Variants in BLNK observed in about 807,000 individuals in gnomAD.
BLNK encodes the protein B cell linker.
In BLNK, 29 loss-of-function variants were observed where a neutral mutation model predicts 73.5. The ratio of observed to expected loss-of-function variants is 0.39; its 90% CI spans 0.29 to 0.54. The LOEUF (loss-of-function observed/expected upper bound fraction) is 0.54. BLNK is among the 20% of genes least tolerant of loss of function. BLNK has a pLI of 0.61. For missense variants in BLNK, 460 were observed against 562.8 expected (o/e 0.82, Z 1.85); for synonymous variants, 176 against 200.8 (o/e 0.88, Z 1.04).
intron 5 of BLNK, among the ~76,000 whole-genome samples, chr10:96,226,067 G>A (rs187088429): frequency 1.3e-5 from 2 of 152,204 alleles, no homozygotes; most frequent in East Asian, 1.9e-4. Flanking sequence ...GCACAGAGCC[G>A]AGTTGTGATG....
At chr10:96,221,882 C>T (rs2084204294) in intron 6 of BLNK, among the ~76,000 whole-genome samples, 1 of 152,058 alleles carries the variant, frequency 6.6e-6, no homozygotes, top group Non-Finnish European at 1.5e-5. Flanking sequence ...AGGGTGTGTA[C>T]ATGCACTGTA....
intron 9 of BLNK, among the ~76,000 whole-genome samples, chr10:96,209,285 C>T (rs1003330394): frequency 1.3e-4 from 20 of 152,194 alleles, no homozygotes; most frequent in Non-Finnish European, 2.4e-4. Context: ...GGTGCTGGAG[C>T]TTCTGAAAGT....
rs116192452 is a variant in BLNK at position 96,199,691 on chromosome 10, A to G, written c.1095+384T>C. Among the ~76,000 whole-genome samples the G allele has an allele frequency of 1.7e-3, 255 of 152,340 alleles. 1 individual carries two copies. The highest frequency in any genetic ancestry group is 5.5e-3 in the African/African-American group (228 of 41,570). On this transcript the variant is annotated intron_variant, in intron 15 of 16. Transcript: ENST00000224337. ...TATCATAAGGACGACAACTGTGTCT[A>G]TTACAGGCTGAGGGCAAAACGTGTG...
intron 4 of BLNK, among the ~76,000 whole-genome samples, chr10:96,230,339 T>G (rs1478894552): frequency 6.6e-6 from 1 of 152,130 alleles, no homozygotes; most frequent in Non-Finnish European, 1.5e-5. Context: ...TGACTGAAAC[T>G]TTCTAGACCT....
At chr10:96,268,590 C>T (rs1310278521) in intron 1 of BLNK, among the ~76,000 whole-genome samples, 2 of 152,204 alleles carry the variant, frequency 1.3e-5, no homozygotes, top group African/African-American at 2.4e-5. Flanking sequence ...TATTCTTATA[C>T]AGCAGAAACT....
chr10:96,225,282 G>T (rs73322931), intron 5 of BLNK, among the ~76,000 whole-genome samples: 2,120 of 152,328 alleles, frequency 0.014, 47 homozygotes, highest in African/African-American at 0.048. Context: ...ACTGGCCTCT[G>T]GATTGCATCA....
rs782456480 is a variant in BLNK, at chr10:96,209,852, C to T, written c.732G>A (p.Pro244=). The part of the protein sequence containing the change: ...TKSPPPAAPS[P]LPRAGKKPTT... ...CAGGTACTTACCCGGCCCGTGGCAA[C>T]GGGGATGGTGCAGCTGGTGGAGGTG... The change falls in exon 9 of 17, where the codon CCG becomes CCA. Residue 244 remains proline (P), a synonymous_variant. Coordinates refer to ENST00000224337, the MANE Select transcript of BLNK (RefSeq NM_013314.4). 1.1e-5 allele frequency: 18 copies of T among 1,614,062 alleles called. No homozygotes were observed. Among genetic ancestry groups the T allele is most frequent in the East Asian group, 2.2e-5 (1 of 44,888 alleles).
chr10:96,207,731 T>G (rs2083853940), intron 10 of BLNK, 141 bp downstream of exon 10: 1 of 999,494 alleles, frequency 1.0e-6, no homozygotes, highest in Non-Finnish European at 1.5e-6. Context: ...TTGAAGCTTC[T>G]CTTGGACTGC....
chr10:96,237,654 A>G (rs1189250063), intron 3 of BLNK, among the ~76,000 whole-genome samples: 4 of 152,170 alleles, frequency 2.6e-5, no homozygotes, highest in African/African-American at 9.7e-5. Context: ...AAGATACCGA[A>G]GGCTGTTCAA....
chr10:96,224,401 G>A (rs1244527457), intron 5 of BLNK, among the ~76,000 whole-genome samples: 1 of 152,214 alleles, frequency 6.6e-6, no homozygotes, highest in Non-Finnish European at 1.5e-5. Context: ...GAGGAGCCTG[G>A]CATTACAGGT....
chr10:96,214,271 T>G (rs1394046476), intron 8 of BLNK, among the ~76,000 whole-genome samples: 3 of 152,172 alleles, frequency 2.0e-5, no homozygotes, highest in Admixed American at 6.5e-5. Flanking sequence ...ATGGGGGTCA[T>G]GGGCACCCCT....
Position 96,231,073 on chromosome 10 carries a change from T to C in BLNK, c.164-239A>G, listed in dbSNP as rs587607952. Among the ~76,000 whole-genome samples the C allele has an allele frequency of 3.9e-5, 6 of 152,348 alleles. No individual in the cohort carries two copies. In the South Asian group the frequency reaches 1.0e-3, roughly 26 times the overall value. On this transcript the variant is annotated intron_variant, in intron 3 of 16. Coordinates refer to ENST00000224337, the MANE Select transcript of BLNK (RefSeq NM_013314.4). ...GGCAGAGCAATGTGCGTCTGATCCATGTGTGGGCTTTGTTAAGGGACATTT... is the reference window on the plus strand; with the variant it reads ...GGCAGAGCAATGTGCGTCTGATCCACGTGTGGGCTTTGTTAAGGGACATTT...
At chr10:96,218,674 G>T in intron 6 of BLNK, among the ~76,000 whole-genome samples, 1 of 110,080 alleles carries the variant, frequency 9.1e-6, no homozygotes. Context: ...ATGAGACCTT[G>T]TCTCCAAAAA....
intron 6 of BLNK, among the ~76,000 whole-genome samples, chr10:96,220,594 G>A (rs1200226173): frequency 2.0e-5 from 3 of 152,082 alleles, no homozygotes; most frequent in Non-Finnish European, 4.4e-5. Context: ...ACATAATGTG[G>A]TCTTATTGAC....
chr10:96,234,735 AAACACCAC>A (rs1842635354), intron 3 of BLNK, among the ~76,000 whole-genome samples: 2 of 152,188 alleles, frequency 1.3e-5, no homozygotes, highest in African/African-American at 2.4e-5. Context: ...TTAACACTCA[AAACACCAC>A]TGATTCTAAT....
chr10:96,239,374 G>A (rs1334386398), intron 3 of BLNK, among the ~76,000 whole-genome samples: 11 of 152,214 alleles, frequency 7.2e-5, no homozygotes, highest in Non-Finnish European at 2.9e-5. Flanking sequence ...GAGGAAAGGA[G>A]CATGAGATGC....
chr10:96,192,430 T>C (rs2083351923), intron 16 of BLNK, among the ~76,000 whole-genome samples: 1 of 152,228 alleles, frequency 6.6e-6, no homozygotes, highest in Non-Finnish European at 1.5e-5. Context: ...CTACATTCTT[T>C]ACAAAACATA....
intron 1 of BLNK, among the ~76,000 whole-genome samples, chr10:96,253,455 C>A (rs1172425031): frequency 1.3e-5 from 2 of 152,130 alleles, no homozygotes; most frequent in Non-Finnish European, 2.9e-5. Context: ...GAGGCTTGGA[C>A]CTCAGGGGCA....
chr10:96,253,091 T>A (rs919573626), intron 1 of BLNK, among the ~76,000 whole-genome samples: 16 of 152,344 alleles, frequency 1.1e-4, no homozygotes, highest in Admixed American at 6.5e-4. Flanking sequence ...AGGATTCCCA[T>A]TGAATAGCCT....
Sources: allele counts gnomAD v4.1 joint callset (sites outside exome capture counted in the v4.1 genomes callset), GRCh38; gene constraint gnomAD v4.1.1; transcripts MANE v1.5; gene names NCBI Gene and HGNC (gene_info 2026-07-23, HGNC 2026-07-21).